DPF3: variants seen among roughly 807,000 people sequenced by gnomAD.
The protein encoded by DPF3 is zinc finger protein DPF3.
Under a neutral mutation model 56.8 loss-of-function variants are expected in DPF3, and 18 were observed. The ratio of observed to expected loss-of-function variants is 0.32; its 90% CI spans 0.22 to 0.47. The LOEUF is 0.47. Among genes scored for constraint, DPF3 ranks in the 20% least tolerant of loss-of-function variants. The probability of loss-of-function intolerance (pLI) is 1.00; values close to 1 mark genes in which losing one functional copy is unlikely to be tolerated. For synonymous variants in DPF3, 188 were observed against 180.2 expected, an observed-to-expected ratio of 1.04 and a Z score of -0.35; for missense variants, 403 against 488.8, an observed-to-expected ratio of 0.82 and a Z score of 1.65.
In DPF3 at chr14:72,667,129, AT is replaced by A. The variant is rs966944051; in HGVS notation, c.871+7110del. ...GGGATGCTATTGATGTGAACATCAC[AT>A]TTTTTTTTATTAAATTCTTCTCTCT... On this transcript the variant is annotated intron_variant, in intron 8 of 10. Coordinates refer to ENST00000556509, the MANE Select transcript of DPF3 (RefSeq NM_001280542.3). 1.2e-3 allele frequency among the ~76,000 whole-genome samples: 189 copies of A among 151,610 alleles called. 1 individual carries two copies. The highest frequency in any genetic ancestry group is 3.7e-3 in the African/African-American group (153 of 41,324).
At chr14:72,740,732 C>A (rs1389701291) in intron 3 of DPF3, among the ~76,000 whole-genome samples, 1 of 152,326 alleles carries the variant, frequency 6.6e-6, no homozygotes, top group Non-Finnish European at 1.5e-5. Context: ...CATGGTTTAA[C>A]AGGTGTAGTA....
intron 1 of DPF3, among the ~76,000 whole-genome samples, chr14:72,840,762 CA>C (rs1448662920): frequency 6.6e-6 from 1 of 152,180 alleles, no homozygotes; most frequent in Non-Finnish European, 1.5e-5. Flanking sequence ...CCACTACCAA[CA>C]AAAAAGCAAT....
chr14:72,646,690 TCCTTGCCTCCATGC>T (rs1885736195), intron 8 of DPF3, among the ~76,000 whole-genome samples: 4 of 152,200 alleles, frequency 2.6e-5, no homozygotes, highest in Non-Finnish European at 4.4e-5. Context: ...TCTTTTGCCC[TCCTTGCCTCCATGC>T]GGAATTTTTC....
chr14:72,760,429 A>G (rs1341866167), intron 2 of DPF3, among the ~76,000 whole-genome samples: 1 of 152,208 alleles, frequency 6.6e-6, no homozygotes, highest in East Asian at 1.9e-4. Flanking sequence ...CATTAGGCCC[A>G]CCTGGATAAT....
intron 7 of DPF3, among the ~76,000 whole-genome samples, chr14:72,681,537 G>T (rs1159470257): frequency 6.6e-6 from 1 of 152,166 alleles, no homozygotes; most frequent in Non-Finnish European, 1.5e-5. Context: ...GGTGACTGTA[G>T]AAATAATATA....
chr14:72,815,484 A>T (rs1055962161), intron 1 of DPF3, among the ~76,000 whole-genome samples: 14 of 152,264 alleles, frequency 9.2e-5, no homozygotes, highest in African/African-American at 2.9e-4. Context: ...AGATTTGCTC[A>T]AAAGAAATAA....
chr14:72,630,739 G>C lies in DPF3; in HGVS notation c.872-1003C>G, dbSNP rs78719691. Among the ~76,000 whole-genome samples the C allele has an allele frequency of 2.8e-4, 42 of 152,346 alleles. No homozygotes were observed. The East Asian group carries it at 8.1e-3, about 29-fold the overall frequency. On this transcript the variant is annotated intron_variant, in intron 8 of 10. Coordinates refer to ENST00000556509, the MANE Select transcript of DPF3 (RefSeq NM_001280542.3). Reference sequence around the variant, plus strand: ...AACACCCAGGGCAAAGCCAATTACTGACTCTGTCACAAAAAACATTGACAG... The same window carrying C: ...AACACCCAGGGCAAAGCCAATTACTCACTCTGTCACAAAAAACATTGACAG...
intron 7 of DPF3, among the ~76,000 whole-genome samples, chr14:72,687,637 A>C (rs918162707): frequency 2.0e-5 from 3 of 152,154 alleles, no homozygotes; most frequent in Non-Finnish European, 2.9e-5. Flanking sequence ...GCTATCTCAT[A>C]CCTGCCTGCC....
intron 9 of DPF3, among the ~76,000 whole-genome samples, chr14:72,623,396 A>C (rs1024621355): frequency 6.6e-6 from 1 of 152,242 alleles, no homozygotes; most frequent in Non-Finnish European, 1.5e-5. Context: ...GAGAGAAACT[A>C]TTCCATCTGA....
At chr14:72,666,209 C>T (rs2153569846) in intron 8 of DPF3, among the ~76,000 whole-genome samples, 1 of 152,296 alleles carries the variant, frequency 6.6e-6, no homozygotes, top group East Asian at 1.9e-4. Context: ...ACTCCCGCTA[C>T]CACTGGCACC....
At chr14:72,706,128 G>A (rs1199896380) in intron 6 of DPF3, among the ~76,000 whole-genome samples, 1 of 152,128 alleles carries the variant, frequency 6.6e-6, no homozygotes, top group Non-Finnish European at 1.5e-5. Flanking sequence ...TATAGATGAA[G>A]CCAACAGAAT....
intron 1 of DPF3, among the ~76,000 whole-genome samples, chr14:72,892,962 AGGAAGGAAGGAAGGAAGGAAGGAAG>A (rs1886817909): frequency 3.5e-4 from 19 of 54,028 alleles, no homozygotes; most frequent in African/African-American, 1.4e-3. Context: ...GAAGGAAGGA[AGGAAGGAAGGAAGGAAGGAAGGAAG>A]GAAGGAAGGA....
intron 1 of DPF3, among the ~76,000 whole-genome samples, chr14:72,863,059 TA>T (rs1885500811): frequency 5.3e-3 from 2 of 380 alleles, no homozygotes; most frequent in Admixed American, 0.026. Context: ...TTATTCCATT[TA>T]TATATATATA....
At chr14:72,751,347 G>A (rs1352245573) in intron 3 of DPF3, among the ~76,000 whole-genome samples, 1 of 152,236 alleles carries the variant, frequency 6.6e-6, no homozygotes, top group African/African-American at 2.4e-5. Context: ...CTAGCTACCT[G>A]TAAGTCTTCG....
intron 1 of DPF3, among the ~76,000 whole-genome samples, chr14:72,885,882 A>G (rs1338792002): frequency 6.6e-6 from 1 of 152,264 alleles, no homozygotes; most frequent in Non-Finnish European, 1.5e-5. Context: ...AGTTCTGACT[A>G]TGCTACAACA....
intron 1 of DPF3, among the ~76,000 whole-genome samples, chr14:72,823,184 G>A (rs968165251): frequency 1.3e-5 from 2 of 152,172 alleles, no homozygotes; most frequent in African/African-American, 2.4e-5. Flanking sequence ...GCAGCTAGCT[G>A]GACGCCATCT....
chr14:72,775,316 C>T (rs1223300122), intron 1 of DPF3, among the ~76,000 whole-genome samples: 1 of 152,150 alleles, frequency 6.6e-6, no homozygotes, highest in East Asian at 1.9e-4. Flanking sequence ...GAAACCAATA[C>T]AAAAGAAATC....
At chr14:72,729,869 C>G (rs1889565673) in intron 4 of DPF3, among the ~76,000 whole-genome samples, 1 of 152,068 alleles carries the variant, frequency 6.6e-6, no homozygotes, top group South Asian at 2.1e-4. Context: ...CACATTTGTT[C>G]AAACCCATTG....
At chr14:72,662,394 T>C in intron 8 of DPF3, 5 of 985,058 alleles carry the variant, frequency 5.1e-6, no homozygotes, top group Non-Finnish European at 6.0e-6. Flanking sequence ...GGAGGTACTT[T>C]AAACAAAAAT....
Sources: gnomAD v4.1 joint callset for allele counts (sites outside exome capture counted in the v4.1 genomes callset) on GRCh38, gnomAD v4.1.1 for gene constraint, MANE v1.5 for transcripts, NCBI Gene and HGNC (gene_info 2026-07-23, HGNC 2026-07-21) for gene names.